ACSM2A: variants seen among roughly 807,000 people sequenced by gnomAD.
ACSM2A encodes the protein acyl-CoA synthetase medium chain family member 2A, also known as acyl-coenzyme A synthetase ACSM2A, mitochondrial.
Under a neutral mutation model 76.6 loss-of-function variants are expected in ACSM2A, and 72 were observed. The observed-to-expected ratio is 0.94, with a 90% CI of 0.78 to 1.14. The LOEUF is 1.14. Among genes scored for constraint, ACSM2A ranks in the 50% most tolerant of loss-of-function variants. The pLI, the probability that ACSM2A is intolerant of heterozygous loss-of-function variation, is 0.00. For synonymous variants in ACSM2A, 249 were observed against 255.9 expected (o/e 0.97, Z 0.26); for missense variants, 684 against 708.5 (o/e 0.97, Z 0.39).
chr16:20,473,148 C>A (rs572745616), intron 6 of ACSM2A, among the ~76,000 whole-genome samples: 1 of 152,150 alleles, frequency 6.6e-6, no homozygotes, highest in Non-Finnish European at 1.5e-5. Context: ...ATCCAGACAT[C>A]TATTTGGCTG....
intron 3 of ACSM2A, among the ~76,000 whole-genome samples, chr16:20,467,723 T>G (rs1406438981): frequency 1.3e-5 from 2 of 152,076 alleles, no homozygotes; most frequent in African/African-American, 2.4e-5. Flanking sequence ...CAAGTTCAAT[T>G]TGGGCATGTT....
At chr16:20,463,261 A>C (rs542636787) in intron 2 of ACSM2A, among the ~76,000 whole-genome samples, 2 of 152,150 alleles carry the variant, frequency 1.3e-5, no homozygotes, top group South Asian at 4.2e-4. Context: ...GGCAAATCCA[A>C]CCAAAAAAAA....
intron 1 of ACSM2A, among the ~76,000 whole-genome samples, chr16:20,457,167 TATC>T (rs988737001): frequency 1.3e-5 from 2 of 151,524 alleles, no homozygotes; most frequent in Non-Finnish European, 3.0e-5. Context: ...ATACAAAAAT[TATC>T]AACAACAACA....
chr16:20,466,749 C>G (rs2013023282), intron 3 of ACSM2A, among the ~76,000 whole-genome samples: 1 of 152,154 alleles, frequency 6.6e-6, no homozygotes, highest in Admixed American at 6.5e-5. Context: ...GCAAGCTGGT[C>G]CATCAGAATG....
chr16:20,458,571 A>G (rs942970098), intron 1 of ACSM2A, among the ~76,000 whole-genome samples: 24 of 144,588 alleles, frequency 1.7e-4, no homozygotes, highest in African/African-American at 6.0e-4. Flanking sequence ...TATATAATAT[A>G]TCCATATAAT....
At chr16:20,464,749 G>A (rs559223985) in intron 2 of ACSM2A, among the ~76,000 whole-genome samples, 63 of 152,136 alleles carry the variant, frequency 4.1e-4, no homozygotes, top group East Asian at 1.9e-3. Context: ...TCATAGAGTC[G>A]GAAAGTAGAA....
At chr16:20,465,131 T>G (rs2012899745) in intron 2 of ACSM2A, among the ~76,000 whole-genome samples, 1 of 152,170 alleles carries the variant, frequency 6.6e-6, no homozygotes, top group Non-Finnish European at 1.5e-5. Context: ...GTTTTTCTAC[T>G]AAGACGTTAA....
At position 20,469,727 on chromosome 16, in the gene ACSM2A, T is replaced by A. The variant is rs751113324; in HGVS notation, c.596+8T>A. On this transcript the variant is annotated splice_region_variant and intron_variant, in intron 4 of 13. Coordinates refer to ENST00000573854, the MANE Select transcript of ACSM2A (RefSeq NM_001308172.2). The stretch of plus-strand genomic sequence containing the variant: ...CTTCAAGAAACTACTAAAGTGAGTA[T>A]CTACATGTCTCAGCCTGGGTTTTAA... 19 of 1,613,626 alleles carry A rather than the reference T, an allele frequency of 1.2e-5. No individual in the cohort carries two copies. The highest frequency in any genetic ancestry group is 1.4e-5 in the Non-Finnish European group (17 of 1,179,730).
At chr16:20,476,450 C>T (rs2013743074) in intron 8 of ACSM2A, 2 of 985,454 alleles carry the variant, frequency 2.0e-6, no homozygotes, top group Non-Finnish European at 2.4e-6. Flanking sequence ...AATGAGTACC[C>T]TTGGAAGAAC....
intron 4 of ACSM2A, among the ~76,000 whole-genome samples, chr16:20,470,120 G>A (rs1387953544): frequency 1.3e-5 from 2 of 152,042 alleles, no homozygotes; most frequent in Non-Finnish European, 2.9e-5. Flanking sequence ...TGGTAAAACA[G>A]AGAAACTATG....
chr16:20,462,025 G>T (rs2012653613), intron 2 of ACSM2A, among the ~76,000 whole-genome samples: 1 of 152,172 alleles, frequency 6.6e-6, no homozygotes, highest in Non-Finnish European at 1.5e-5. Context: ...GCAGACACAG[G>T]ACAGGTAAAG....
intron 1 of ACSM2A, among the ~76,000 whole-genome samples, chr16:20,459,544 G>T (rs1368720918): frequency 1.3e-5 from 2 of 152,150 alleles, no homozygotes. Context: ...TGTTGTTCTG[G>T]GTCCCAGTCT....
chr16:20,483,232 G>A, intron 13 of ACSM2A, 55 bp downstream of exon 13: 1 of 1,599,848 alleles, frequency 6.3e-7, no homozygotes, highest in Non-Finnish European at 8.5e-7. Flanking sequence ...TTGTTTTCCT[G>A]TTATATTTAT....
At chr16:20,468,556 C>T (rs928177906) in intron 3 of ACSM2A, among the ~76,000 whole-genome samples, 9 of 152,264 alleles carry the variant, frequency 5.9e-5, no homozygotes, top group South Asian at 4.2e-4. Flanking sequence ...GCTGGGGTTT[C>T]GCCATGTTGG....
intron 12 of ACSM2A, 116 bp from the exon 13 acceptor site, chr16:20,482,942 G>C: frequency 1.4e-6 from 2 of 1,475,158 alleles, no homozygotes; most frequent in Non-Finnish European, 1.8e-6. Context: ...CTGGATCACC[G>C]GGGGTGCAAA....
intron 1 of ACSM2A, among the ~76,000 whole-genome samples, chr16:20,455,638 A>G (rs1368764069): frequency 6.6e-6 from 1 of 150,648 alleles, no homozygotes; most frequent in Non-Finnish European, 1.5e-5. Context: ...AAGAACTGCT[A>G]AAAGGAGCTT....
At chr16:20,465,780 A>G (rs1415900792) in intron 3 of ACSM2A, 53 bp downstream of exon 3, 1 of 1,584,402 alleles carries the variant, frequency 6.3e-7, no homozygotes, top group East Asian at 2.3e-5. Flanking sequence ...AAGAAAACTG[A>G]TAGCAGAGAA....
chr16:20,471,613 T>A lies in ACSM2A; in HGVS notation c.818T>A (p.Leu273His), dbSNP rs1567367458. The A allele has an allele frequency of 6.2e-7, 1 of 1,613,956 alleles. No individual in the cohort carries two copies. The highest frequency in any genetic ancestry group is 2.2e-5 in the East Asian group (1 of 44,896). ...TGWILNILCS[L>H]MEPWALGACT... ...TGGATACTGAACATCTTGTGCTCAC[T>A]TATGGAACCTTGGGCATTAGGAGCA... The change falls in exon 6 of 14, where the codon CTT (leucine) becomes CAT (histidine). Residue 273 changes from leucine to histidine, a missense_variant. This residue lies in a region of ACSM2A where 519 missense variants were observed against 549.5 expected (regional missense o/e 0.94). Coordinates refer to ENST00000573854, the MANE Select transcript of ACSM2A (RefSeq NM_001308172.2).
chr16:20,453,821 G>C (rs371502502), intron 1 of ACSM2A: 2 of 129,346 alleles, frequency 1.5e-5, no homozygotes, highest in African/African-American at 6.4e-5. Flanking sequence ...GTCTTATGCG[G>C]TTGAGATAAG....
Sources: allele counts gnomAD v4.1 joint callset (sites outside exome capture counted in the v4.1 genomes callset), GRCh38; gene constraint gnomAD v4.1.1; regional missense constraint gnomAD v4.1.1; transcripts MANE v1.5; gene names NCBI Gene and HGNC (gene_info 2026-07-23, HGNC 2026-07-21).